Variants in CCDC91 observed in about 807,000 individuals in gnomAD.
CCDC91 encodes coiled-coil domain containing 91.
In CCDC91, 48 loss-of-function variants were observed where a neutral mutation model predicts 63.2. The observed-to-expected ratio is 0.76, with a 90% confidence interval of 0.60 to 0.97. The LOEUF (loss-of-function observed/expected upper bound fraction) is 0.97, where lower values mean the gene tolerates loss of function less well. Ranked by LOEUF, CCDC91 falls within the 50% of genes least tolerant of loss-of-function variation. The pLI, the probability that CCDC91 is intolerant of heterozygous loss-of-function variation, is 0.00. For missense variants in CCDC91, 500 were observed against 494.6 expected, an observed-to-expected ratio of 1.01 and a Z score of -0.10; for synonymous variants, 167 against 165.8, an observed-to-expected ratio of 1.01 and a Z score of -0.06.
chr12:28,367,504 T>G (rs1487389589), intron 7 of CCDC91, among the ~76,000 whole-genome samples: 1 of 152,160 alleles, frequency 6.6e-6, no homozygotes, highest in African/African-American at 2.4e-5. Flanking sequence ...GGGATTATGA[T>G]GAAAGACCTA....
rs139074999 is a variant in CCDC91 at position 28,310,226 on chromosome 12, AC to A, written c.576+2480del. Among the ~76,000 whole-genome samples, 358 of 152,168 alleles carry A rather than the reference AC, an allele frequency of 2.4e-3. 2 individuals carry two copies. Among genetic ancestry groups the A allele is most frequent in the African/African-American group, 8.2e-3 (339 of 41,546 alleles). On this transcript the variant is annotated intron_variant, in intron 6 of 12. Transcript: ENST00000536442. The stretch of plus-strand genomic sequence containing the variant: ...GTCTCCACTGAATGACTTATTCTGG[AC>A]CCTTTAGTGAGACATACATCTTTGA...
intron 12 of CCDC91, among the ~76,000 whole-genome samples, chr12:28,522,274 T>A (rs1203313525): frequency 6.6e-6 from 1 of 152,182 alleles, no homozygotes; most frequent in Non-Finnish European, 1.5e-5. Context: ...TATTCGGGGA[T>A]TCAACTTCTT....
intron 1 of CCDC91, among the ~76,000 whole-genome samples, chr12:28,215,248 AT>A (rs1441350431): frequency 1.3e-5 from 2 of 152,130 alleles, no homozygotes; most frequent in Non-Finnish European, 2.9e-5. Context: ...CAGGCTTAAC[AT>A]TATTGATTCT....
intron 3 of CCDC91, among the ~76,000 whole-genome samples, chr12:28,303,509 A>G (rs1376564213): frequency 6.6e-6 from 1 of 152,148 alleles, no homozygotes; most frequent in Non-Finnish European, 1.5e-5. Context: ...ATGACATCTT[A>G]TCTTATGCCT....
chr12:28,267,949 TTATA>T (rs1347832189), intron 3 of CCDC91, among the ~76,000 whole-genome samples: 20 of 106,422 alleles, frequency 1.9e-4, no homozygotes, highest in South Asian at 7.4e-4. Flanking sequence ...TATATAATTA[TTATA>T]TATAATTATA....
intron 7 of CCDC91, 147 bp downstream of exon 7, chr12:28,362,662 T>G (rs1943980945): frequency 2.0e-6 from 1 of 501,184 alleles, no homozygotes; most frequent in Non-Finnish European, 3.5e-6. Flanking sequence ...CAAATATCCA[T>G]TGAAAGCATA....
intron 6 of CCDC91, among the ~76,000 whole-genome samples, chr12:28,351,568 C>T (rs181532961): frequency 1.9e-3 from 284 of 152,150 alleles, no homozygotes; most frequent in Non-Finnish European, 3.5e-3. Context: ...AGTTCTGTTG[C>T]CATCTGTGCC....
chr12:28,542,760 T>C (rs910186815), intron 12 of CCDC91, among the ~76,000 whole-genome samples: 29 of 152,108 alleles, frequency 1.9e-4, no homozygotes, highest in Non-Finnish European at 2.1e-4. Context: ...TAATCCTCCA[T>C]TTCCCAAACT....
At chr12:28,259,546 C>G in intron 3 of CCDC91, 104 bp downstream of exon 3, 2 of 697,388 alleles carry the variant, frequency 2.9e-6, no homozygotes, top group Non-Finnish European at 5.0e-6. Context: ...TTGTCCTTCA[C>G]TGATCTGAAA....
chr12:28,522,087 A>G (rs1287667014), intron 12 of CCDC91, among the ~76,000 whole-genome samples: 1 of 152,162 alleles, frequency 6.6e-6, no homozygotes, highest in Non-Finnish European at 1.5e-5. Context: ...CTGGCCTCAT[A>G]AAATGAGTTA....
chr12:28,469,886 T>C (rs1037618935), intron 11 of CCDC91, among the ~76,000 whole-genome samples: 4 of 152,110 alleles, frequency 2.6e-5, no homozygotes, highest in African/African-American at 9.7e-5. Context: ...GATAGCTGTA[T>C]ACAGAAGAAG....
chr12:28,542,425 G>T (rs1942693604), intron 12 of CCDC91, among the ~76,000 whole-genome samples: 1 of 151,942 alleles, frequency 6.6e-6, no homozygotes, highest in Admixed American at 6.6e-5. Context: ...TGACATTTTT[G>T]AACTATCTAA....
At position 28,517,458 on chromosome 12, in the gene CCDC91, A is replaced by T. The variant is rs150775357; in HGVS notation, c.1216-31605A>T. Reference sequence around the variant, plus strand: ...TAATGGCATATCATTCTGTATGGGTACTTCTGTAAACAATCTTCTCTTTTA... The same window carrying T: ...TAATGGCATATCATTCTGTATGGGTTCTTCTGTAAACAATCTTCTCTTTTA... On this transcript the variant is annotated intron_variant, in intron 12 of 12. Transcript: ENST00000536442. Among the ~76,000 whole-genome samples, 4 of 152,098 alleles carry T rather than the reference A, an allele frequency of 2.6e-5. No individual in the cohort carries two copies. The East Asian group carries it at 7.8e-4, about 30-fold the overall frequency.
intron 11 of CCDC91, among the ~76,000 whole-genome samples, chr12:28,471,690 CATAATA>C (rs75648805): frequency 6.6e-6 from 1 of 151,876 alleles, no homozygotes; most frequent in Non-Finnish European, 1.5e-5. Flanking sequence ...GGCATTAACT[CATAATA>C]ATTATTTACT....
intron 3 of CCDC91, among the ~76,000 whole-genome samples, chr12:28,279,175 G>A (rs1206246385): frequency 6.6e-6 from 1 of 150,858 alleles, no homozygotes; most frequent in Non-Finnish European, 1.5e-5. Context: ...TAAATATGAT[G>A]TAATCCTTTT....
At chr12:28,306,659 T>C in intron 4 of CCDC91, 83 bp from the exon 5 acceptor site, 1 of 900,126 alleles carries the variant, frequency 1.1e-6, no homozygotes, top group Non-Finnish European at 1.7e-6. Flanking sequence ...CCAAATGTGG[T>C]TTCTAGTGCC....
chr12:28,454,876 T>C (rs559094630), intron 11 of CCDC91, among the ~76,000 whole-genome samples: 3 of 152,084 alleles, frequency 2.0e-5, no homozygotes, highest in South Asian at 4.1e-4. Flanking sequence ...TTGCCCAGGG[T>C]GAAGGACCCT....
chr12:28,337,451 TC>T (rs2137866151), intron 6 of CCDC91, among the ~76,000 whole-genome samples: 1 of 152,220 alleles, frequency 6.6e-6, no homozygotes, highest in African/African-American at 2.4e-5. Context: ...TTTATCTAGA[TC>T]ATTGTTTTCT....
intron 12 of CCDC91, among the ~76,000 whole-genome samples, chr12:28,548,427 G>A (rs1458058850): frequency 1.3e-5 from 2 of 151,974 alleles, no homozygotes; most frequent in African/African-American, 4.8e-5. Flanking sequence ...GCACCACCAT[G>A]CGCAGCTAAT....
Sources: allele counts gnomAD v4.1 joint callset (sites outside exome capture counted in the v4.1 genomes callset), GRCh38; gene constraint gnomAD v4.1.1; transcripts MANE v1.5; gene names NCBI Gene and HGNC (gene_info 2026-07-23, HGNC 2026-07-21).